Variants in DGLUCY observed in about 807,000 individuals in gnomAD.
DGLUCY encodes D-glutamate cyclase.
In DGLUCY, 58 loss-of-function variants were observed where a neutral mutation model predicts 58.5. That is an observed-to-expected ratio of 0.99 (90% confidence interval 0.80 to 1.23). DGLUCY has a LOEUF of 1.23. Ranked by LOEUF, DGLUCY falls within the 50% of genes most tolerant of loss-of-function variation. The probability of loss-of-function intolerance (pLI) is 0.00; values close to 1 mark genes in which losing one functional copy is unlikely to be tolerated. For synonymous variants in DGLUCY, 325 were observed against 314.1 expected (o/e 1.03, Z -0.37); for missense variants, 779 against 784.7 (o/e 0.99, Z 0.09).
intron 1 of DGLUCY, among the ~76,000 whole-genome samples, chr14:91,064,486 G>C (rs2043786061): frequency 6.6e-6 from 1 of 151,936 alleles, no homozygotes; most frequent in African/African-American, 2.4e-5. Context: ...AGCTGGGCAT[G>C]GTGGTGCATG....
At chr14:91,122,849 C>T (rs1293805001) in intron 1 of DGLUCY, among the ~76,000 whole-genome samples, 1 of 152,046 alleles carries the variant, frequency 6.6e-6, no homozygotes, top group Non-Finnish European at 1.5e-5. Flanking sequence ...CCTTGTGATC[C>T]ACCTGCCTCA....
At position 91,127,978 on chromosome 14, in the gene DGLUCY, T is replaced by A. The variant is rs528610527; in HGVS notation, c.-82+13695T>A. On this transcript the variant is annotated intron_variant, in intron 1 of 13. Transcript: ENST00000256324. ...TTCCAGCCTCATTGAGCATGTGGTC[T>A]GACTCACTGGGCTCAACAGGAGAGG... 1.4e-3 allele frequency among the ~76,000 whole-genome samples: 216 copies of A among 151,656 alleles called. 1 individual carries two copies. Among genetic ancestry groups the A allele is most frequent in the African/African-American group, 5.1e-3 (211 of 41,352 alleles).
chr14:91,159,638 A>AC (rs1319253052), intron 2 of DGLUCY, among the ~76,000 whole-genome samples: 2 of 152,222 alleles, frequency 1.3e-5, no homozygotes, highest in African/African-American at 4.8e-5. Context: ...TGTATAAGGC[A>AC]CTGTGCCTAG....
At chr14:91,089,104 C>T (rs2044268100) in intron 1 of DGLUCY, among the ~76,000 whole-genome samples, 1 of 152,240 alleles carries the variant, frequency 6.6e-6, no homozygotes, top group African/African-American at 2.4e-5. Flanking sequence ...GCCTCTTCCT[C>T]CATTCTCATC....
At chr14:91,189,978 C>CT (rs55652724) in intron 9 of DGLUCY, among the ~76,000 whole-genome samples, 1,840 of 81,024 alleles carry the variant, frequency 0.023, 233 homozygotes, top group East Asian at 0.066. Context: ...CTGTTAGGTT[C>CT]TTTTTTTTTT....
At chr14:91,113,231 C>G (rs1262878965), upstream of DGLUCY, among the ~76,000 whole-genome samples, 2 of 152,150 alleles carry the variant, frequency 1.3e-5, no homozygotes, top group East Asian at 3.8e-4. Context: ...ACCTGGGAGG[C>G]AGAGGTTGCA....
At chr14:91,077,743 T>G (rs1268534286) in intron 1 of DGLUCY, among the ~76,000 whole-genome samples, 2 of 129,994 alleles carry the variant, frequency 1.5e-5, no homozygotes, top group African/African-American at 5.9e-5. Flanking sequence ...AGAGCGAGAC[T>G]CTGTCTCAAA....
At chr14:91,068,702 T>C (rs954949989) in intron 1 of DGLUCY, among the ~76,000 whole-genome samples, 2 of 152,028 alleles carry the variant, frequency 1.3e-5, no homozygotes, top group African/African-American at 4.8e-5. Context: ...ATAAAGATAT[T>C]TGGACTCCCT....
chr14:91,223,656 C>CT (rs558251801), intron 13 of DGLUCY: 67,655 of 927,628 alleles, frequency 0.073, 2 homozygotes, highest in South Asian at 0.079. Flanking sequence ...GATCAAACCA[C>CT]TTTTTTTTTT....
intron 1 of DGLUCY, among the ~76,000 whole-genome samples, chr14:91,119,377 T>A (rs2045211166): frequency 6.6e-6 from 1 of 152,124 alleles, no homozygotes; most frequent in South Asian, 2.1e-4. Context: ...ACCCACTCTG[T>A]TTCCCTGACC....
chr14:91,086,598 T>G (rs932992339), intron 1 of DGLUCY, among the ~76,000 whole-genome samples: 1 of 152,202 alleles, frequency 6.6e-6, no homozygotes, highest in South Asian at 2.1e-4. Flanking sequence ...TTTTTTTTTC[T>G]GAATAATTTA....
At position 91,098,232 on chromosome 14, in the gene DGLUCY, G is replaced by GGATC. The variant is rs1393225420; in HGVS notation, c.-82+37529_-82+37532dup. 3.9e-5 allele frequency among the ~76,000 whole-genome samples: 6 copies of GGATC among 152,318 alleles called. No homozygotes were observed. The East Asian group carries it at 1.2e-3, about 29-fold the overall frequency. ...AGCACTTCAGAAGGCTGAGGCAGGA[G>GGATC]GATCACTTGAGCCCAGGAGTTAGAG... is the stretch of plus-strand genomic sequence containing the variant. On this transcript the variant is annotated intron_variant, in intron 1 of 4. Coordinates refer to the DGLUCY transcript ENST00000521334.
At position 91,215,301 on chromosome 14, in the gene DGLUCY, C is replaced by T. The variant is rs996424265; in HGVS notation, c.1565-104C>T. 26 of 1,497,452 alleles carry T rather than the reference C, an allele frequency of 1.7e-5. No individual in the cohort carries two copies. The South Asian group carries it at 2.1e-4, about 12-fold the overall frequency. The allele number at this position is 1,497,452 out of a possible 1,614,324, so 92.8% of individuals were successfully genotyped here. A position where few individuals can be genotyped will look rare whatever the true frequency, so the allele number is the denominator to read the frequency against. ...AAGCTCCCAGATGATACTGGTGCTA[C>T]GGGACCGTGGACCAGTCCTGCAGAT... On this transcript the variant is annotated intron_variant, in intron 12 of 13. Transcript: ENST00000256324.
upstream of DGLUCY, among the ~76,000 whole-genome samples, chr14:91,103,873 T>C (rs2044536218): frequency 6.6e-6 from 1 of 151,652 alleles, no homozygotes; most frequent in Admixed American, 6.6e-5. Flanking sequence ...CAACATTCCC[T>C]TGTCCCCGCC....
chr14:91,186,221 T>A (rs2049509785), intron 8 of DGLUCY, among the ~76,000 whole-genome samples: 2 of 152,122 alleles, frequency 1.3e-5, no homozygotes, highest in African/African-American at 4.8e-5. Flanking sequence ...CCAATTTTTT[T>A]ATTTAAAAAT....
At chr14:91,087,722 A>G (rs981971428) in intron 1 of DGLUCY, among the ~76,000 whole-genome samples, 1 of 152,176 alleles carries the variant, frequency 6.6e-6, no homozygotes, top group African/African-American at 2.4e-5. Flanking sequence ...CATTCCAGCC[A>G]ATGGAAACTG....
chr14:91,084,966 T>C (rs1316320505), intron 1 of DGLUCY, among the ~76,000 whole-genome samples: 1 of 152,172 alleles, frequency 6.6e-6, no homozygotes, highest in Non-Finnish European at 1.5e-5. Context: ...CTTGTGCCTG[T>C]AATCCCACAC....
Position 91,191,042 on chromosome 14 carries a change from C to T in DGLUCY, c.1195+1872C>T, listed in dbSNP as rs1448457755. Reference sequence around the variant, plus strand: ...GAGTCACACTGACCCGATGGGACCCCGCCACAAGCTAGGGCCCTGCAGGGC... The same window carrying T: ...GAGTCACACTGACCCGATGGGACCCTGCCACAAGCTAGGGCCCTGCAGGGC... On this transcript the variant is annotated intron_variant, in intron 9 of 13. Coordinates refer to ENST00000256324, the MANE Select transcript of DGLUCY (RefSeq NM_001102368.3). Among the ~76,000 whole-genome samples the T allele has an allele frequency of 5.9e-5, 9 of 152,240 alleles. No homozygotes were observed. The South Asian group carries it at 1.5e-3, about 25-fold the overall frequency.
intron 8 of DGLUCY, 48 bp from the exon 9 acceptor site, chr14:91,188,862 T>G: frequency 6.5e-7 from 1 of 1,542,700 alleles, no homozygotes; most frequent in Non-Finnish European, 8.8e-7. Flanking sequence ...TACATACAAA[T>G]AATTTTAAAA....
Sources: gnomAD v4.1 joint callset for allele counts (sites outside exome capture counted in the v4.1 genomes callset) on GRCh38, gnomAD v4.1.1 for gene constraint, MANE v1.5 for transcripts, NCBI Gene and HGNC (gene_info 2026-07-23, HGNC 2026-07-21) for gene names.